TARP: variants seen among roughly 807,000 people sequenced by gnomAD.
chr7:38,263,364 T>TA, the TARP span, among the ~76,000 whole-genome samples: 1 of 151,880 alleles, frequency 6.6e-6, no homozygotes, highest in African/African-American at 2.4e-5. Flanking sequence ...ACAGTAGTTG[T>TA]AGGGGAAGAA....
the TARP span, among the ~76,000 whole-genome samples, chr7:38,268,208 T>C: frequency 6.6e-6 from 1 of 151,376 alleles, no homozygotes; most frequent in Non-Finnish European, 1.5e-5. Flanking sequence ...TTATTTAAAA[T>C]AATAAATAAA....
chr7:38,266,859 T>C, the TARP span, among the ~76,000 whole-genome samples: 1,446 of 151,964 alleles, frequency 9.5e-3, 14 homozygotes, highest in Middle Eastern at 0.065. Flanking sequence ...ATGGCAACTT[T>C]CCAAAACTCT....
chr7:38,271,741 T>C, the TARP span, among the ~76,000 whole-genome samples: 2 of 151,474 alleles, frequency 1.3e-5, no homozygotes, highest in East Asian at 3.9e-4. Context: ...GATTCCAAAG[T>C]GGACGCTTTG....
At chr7:38,265,734 T>C in the TARP span, 1 of 1,317,910 alleles carries the variant, frequency 7.6e-7, no homozygotes, top group Non-Finnish European at 1.0e-6. Flanking sequence ...ACACACACAT[T>C]GCACAGTTTG....
At chr7:38,270,561 C>G in the TARP span, among the ~76,000 whole-genome samples, 3 of 151,570 alleles carry the variant, frequency 2.0e-5, no homozygotes, top group Non-Finnish European at 1.5e-5. Context: ...CAAGTTTCAC[C>G]AGAAACTTCA....
At chr7:38,268,173 C>T in the TARP span, among the ~76,000 whole-genome samples, 3 of 151,104 alleles carry the variant, frequency 2.0e-5, no homozygotes, top group East Asian at 5.8e-4. Flanking sequence ...TTACTTACTT[C>T]AATAACAAAT....
At chr7:38,273,263 T>C in the TARP span, among the ~76,000 whole-genome samples, 1 of 151,104 alleles carries the variant, frequency 6.6e-6, no homozygotes, top group African/African-American at 2.4e-5. Context: ...TTTTTTTAAT[T>C]TTTTCCATTG....
the TARP span, among the ~76,000 whole-genome samples, chr7:38,265,136 G>A: frequency 1.3e-5 from 2 of 151,098 alleles, no homozygotes; most frequent in Non-Finnish European, 2.9e-5. Flanking sequence ...TGGAGCTGAG[G>A]CTGACAAACC....
chr7:38,270,406 C>G, the TARP span, among the ~76,000 whole-genome samples: 10 of 151,506 alleles, frequency 6.6e-5, no homozygotes, highest in Non-Finnish European at 1.2e-4. Flanking sequence ...ATAGGTTATC[C>G]TTTGCCTTAC....
At chr7:38,273,515 G>C in the TARP span, 4 of 1,238,614 alleles carry the variant, frequency 3.2e-6, no homozygotes, top group Non-Finnish European at 4.7e-6. Flanking sequence ...GGGAATCCTA[G>C]AATTCTGAGC....
At chr7:38,261,192 T>C in the TARP span, among the ~76,000 whole-genome samples, 2 of 151,600 alleles carry the variant, frequency 1.3e-5, no homozygotes, top group African/African-American at 4.9e-5. Flanking sequence ...CAGCCCCACA[T>C]GATGTCCGTT....
chr7:38,265,564 G>A, the TARP span: 2 of 1,612,014 alleles, frequency 1.2e-6, no homozygotes, highest in South Asian at 1.1e-5. Context: ...AATAACATCA[G>A]GGAAAAATTT....
the TARP span, among the ~76,000 whole-genome samples, chr7:38,268,285 A>G: frequency 3.3e-5 from 5 of 151,418 alleles, no homozygotes; most frequent in African/African-American, 1.2e-4. Context: ...ATTTGAGTTA[A>G]ATTGCCTAAG....
At chr7:38,261,733 AT>A in the TARP span, among the ~76,000 whole-genome samples, 1 of 150,896 alleles carries the variant, frequency 6.6e-6, no homozygotes. Context: ...TTAGCCGGGC[AT>A]GGTGGCACGC....
At chr7:38,266,673 T>G in the TARP span, among the ~76,000 whole-genome samples, 2 of 151,712 alleles carry the variant, frequency 1.3e-5, no homozygotes, top group Non-Finnish European at 2.9e-5. Context: ...ATGTACATAC[T>G]GTCTATCAAG....
At chr7:38,269,412 A>G in the TARP span, 3 of 681,124 alleles carry the variant, frequency 4.4e-6, no homozygotes, top group Non-Finnish European at 2.7e-6. Flanking sequence ...TTTTCTAAAC[A>G]TTATTACATT....
chr7:38,271,847 G>A, the TARP span, among the ~76,000 whole-genome samples: 2,199 of 150,800 alleles, frequency 0.015, 167 homozygotes, highest in Admixed American at 0.12. Context: ...GGGCAAAAAA[G>A]GCAATATTTC....
chr7:38,266,102 A>T, the TARP span, among the ~76,000 whole-genome samples: 55 of 151,476 alleles, frequency 3.6e-4, no homozygotes, highest in African/African-American at 1.3e-3. Context: ...GAAGGTCAGA[A>T]AACCTTAATG....
chr7:38,265,388 C>T, the TARP span: 131 of 1,612,058 alleles, frequency 8.1e-5, 4 homozygotes, highest in East Asian at 4.2e-4. Context: ...TGATCAACTC[C>T]GTTTTTATTA....
Sources: gnomAD v4.1 joint callset for allele counts (sites outside exome capture counted in the v4.1 genomes callset) on GRCh38, gnomAD v4.1.1 for gene constraint, MANE v1.5 for transcripts.